The following CACNA2D3 variants were observed in gnomAD, a reference collection of about 807,000 sequenced individuals.
CACNA2D3 encodes calcium voltage-gated channel auxiliary subunit alpha2delta 3, also known as voltage-dependent calcium channel subunit alpha-2/delta-3.
A neutral mutation model predicts 160.6 loss-of-function variants in CACNA2D3; 60 were observed. That is an observed-to-expected ratio of 0.37 (90% CI 0.30 to 0.46). The LOEUF (loss-of-function observed/expected upper bound fraction) is 0.46, where lower values mean the gene tolerates loss of function less well. Ranked by LOEUF, CACNA2D3 falls within the 20% of genes least tolerant of loss-of-function variation. The probability of loss-of-function intolerance (pLI) is 1.00; values close to 1 mark genes in which losing one functional copy is unlikely to be tolerated. For missense variants in CACNA2D3, 1,205 were observed against 1,365.0 expected (o/e 0.88, Z 1.85); for synonymous variants, 558 against 492.9 (o/e 1.13, Z -1.75).
intron 11 of CACNA2D3, among the ~76,000 whole-genome samples, chr3:54,652,041 G>T (rs954561367): frequency 1.6e-4 from 24 of 152,242 alleles, no homozygotes; most frequent in South Asian, 6.2e-4. Context: ...TGGTTGAGAG[G>T]AGAAGGGATT....
At chr3:54,486,838 T>C (rs76187677) in intron 4 of CACNA2D3, among the ~76,000 whole-genome samples, 4,628 of 152,066 alleles carry the variant, frequency 0.03, 226 homozygotes, top group African/African-American at 0.1. Context: ...CCTCTTGTAG[T>C]GGAGAATGGG....
chr3:54,468,076 T>C (rs962878630), intron 4 of CACNA2D3, among the ~76,000 whole-genome samples: 1 of 152,122 alleles, frequency 6.6e-6, no homozygotes, highest in Non-Finnish European at 1.5e-5. Flanking sequence ...ACTGCCTAGG[T>C]CTTTGGATGT....
At chr3:54,265,631 G>A (rs374558952) in intron 2 of CACNA2D3, among the ~76,000 whole-genome samples, 13 of 101,176 alleles carry the variant, frequency 1.3e-4, no homozygotes, top group African/African-American at 4.6e-4. Flanking sequence ...TATATAGTGT[G>A]TATATATATA....
At chr3:54,965,981 G>A (rs749173497) in intron 27 of CACNA2D3, among the ~76,000 whole-genome samples, 3 of 152,170 alleles carry the variant, frequency 2.0e-5, no homozygotes, top group Non-Finnish European at 4.4e-5. Flanking sequence ...ACTGACTCAT[G>A]AGGAAAGATG....
At chr3:54,976,578 C>T (rs977413222) in intron 29 of CACNA2D3, among the ~76,000 whole-genome samples, 1 of 152,074 alleles carries the variant, frequency 6.6e-6, no homozygotes, top group Non-Finnish European at 1.5e-5. Flanking sequence ...TTTCATGAGT[C>T]GATGTCCTCC....
intron 29 of CACNA2D3, among the ~76,000 whole-genome samples, chr3:54,974,361 A>G (rs961216067): frequency 5.3e-5 from 8 of 152,190 alleles, no homozygotes; most frequent in Non-Finnish European, 1.0e-4. Context: ...CATCTTTCAG[A>G]TCAGAAAACA....
In CACNA2D3 at chr3:54,429,876, C is replaced by T. The variant is rs140998505; in HGVS notation, c.381+43102C>T. ...CATTATACTGCAGAAAATTTAACAT[C>T]CGTGAAATAAGAATAACGTAATCAT... On this transcript the variant is annotated intron_variant, in intron 4 of 37. Transcript: ENST00000474759. Among the ~76,000 whole-genome samples the T allele has an allele frequency of 3.2e-3, 490 of 152,210 alleles. 3 individuals carry two copies. Among genetic ancestry groups the T allele is most frequent in the Middle Eastern group, 0.031 (9 of 294 alleles).
intron 11 of CACNA2D3, among the ~76,000 whole-genome samples, chr3:54,751,593 C>T (rs1197993347): frequency 1.3e-5 from 2 of 152,292 alleles, no homozygotes; most frequent in Admixed American, 6.5e-5. Context: ...AGATCGACTT[C>T]ACAGACCAGC....
intron 2 of CACNA2D3, among the ~76,000 whole-genome samples, chr3:54,215,618 G>A (rs1022538432): frequency 2.6e-5 from 4 of 152,138 alleles, no homozygotes; most frequent in African/African-American, 7.2e-5. Flanking sequence ...AGTGAACGGC[G>A]ATGTGAGGGT....
At chr3:54,382,808 A>G (rs1699126027) in intron 3 of CACNA2D3, among the ~76,000 whole-genome samples, 3 of 152,336 alleles carry the variant, frequency 2.0e-5, no homozygotes, top group African/African-American at 7.2e-5. Flanking sequence ...GCAAAGCAAA[A>G]CAAAACACAG....
chr3:54,701,278 G>T (rs1249842255), intron 11 of CACNA2D3, among the ~76,000 whole-genome samples: 1 of 152,176 alleles, frequency 6.6e-6, no homozygotes, highest in Non-Finnish European at 1.5e-5. Context: ...TGAGAAACTG[G>T]TTTGTGTCAT....
intron 27 of CACNA2D3, among the ~76,000 whole-genome samples, chr3:54,930,837 TGTAATCCCAATATACTTTG>T (rs1442511570): frequency 2.6e-5 from 4 of 152,262 alleles, no homozygotes; most frequent in African/African-American, 9.6e-5. Context: ...GGCTCACGCC[TGTAATCCCAATATACTTTG>T]GGAGGCTGAG....
intron 2 of CACNA2D3, among the ~76,000 whole-genome samples, chr3:54,285,599 C>G (rs1347329939): frequency 1.3e-5 from 2 of 152,222 alleles, no homozygotes; most frequent in Non-Finnish European, 2.9e-5. Context: ...TCCCAGCACA[C>G]AGCTGGAGAT....
chr3:54,147,780 G>A (rs1700063488), intron 2 of CACNA2D3, among the ~76,000 whole-genome samples: 1 of 152,204 alleles, frequency 6.6e-6, no homozygotes, highest in Non-Finnish European at 1.5e-5. Context: ...AAAGGCTTCA[G>A]AGGTAGTTAT....
At chr3:54,595,204 A>C (rs1340404090) in intron 9 of CACNA2D3, among the ~76,000 whole-genome samples, 1 of 152,074 alleles carries the variant, frequency 6.6e-6, no homozygotes, top group Admixed American at 6.6e-5. Flanking sequence ...CTAATACAAT[A>C]GTTAGTTTGT....
intron 2 of CACNA2D3, among the ~76,000 whole-genome samples, chr3:54,215,884 C>T (rs1184003116): frequency 8.0e-5 from 12 of 149,142 alleles, no homozygotes; most frequent in Non-Finnish European, 1.6e-4. Flanking sequence ...CTTTTCTTTT[C>T]TTTTTTTTTT....
intron 4 of CACNA2D3, among the ~76,000 whole-genome samples, chr3:54,451,093 C>G (rs1050717866): frequency 2.0e-5 from 3 of 152,108 alleles, no homozygotes; most frequent in Admixed American, 2.0e-4. Flanking sequence ...GTTCAAGGCT[C>G]CACCTTCTGG....
intron 5 of CACNA2D3, among the ~76,000 whole-genome samples, chr3:54,556,260 G>A (rs944588920): frequency 6.6e-6 from 1 of 152,124 alleles, no homozygotes; most frequent in African/African-American, 2.4e-5. Flanking sequence ...ATTTAGGGTG[G>A]TGCCTAAACC....
chr3:54,978,508 GA>G (rs1264892140), intron 29 of CACNA2D3, among the ~76,000 whole-genome samples: 2 of 152,212 alleles, frequency 1.3e-5, no homozygotes, highest in Non-Finnish European at 2.9e-5. Flanking sequence ...ATGATATCTA[GA>G]AGATTAAAAA....
Sources: allele counts gnomAD v4.1 joint callset (sites outside exome capture counted in the v4.1 genomes callset), GRCh38; gene constraint gnomAD v4.1.1; transcripts MANE v1.5; gene names NCBI Gene and HGNC (gene_info 2026-07-23, HGNC 2026-07-21).